Variants in SYT1 observed in about 807,000 individuals in gnomAD.
SYT1 encodes the protein synaptotagmin-1.
In SYT1, 8 loss-of-function variants were observed where a neutral mutation model predicts 44.8. The ratio of observed to expected loss-of-function variants is 0.18; its 90% confidence interval spans 0.10 to 0.32. The LOEUF (loss-of-function observed/expected upper bound fraction) is 0.32. Among genes scored for constraint, SYT1 ranks in the 10% least tolerant of loss-of-function variants. The probability of loss-of-function intolerance (pLI) is 1.00; values close to 1 mark genes in which losing one functional copy is unlikely to be tolerated. For missense variants in SYT1, 286 were observed against 509.3 expected (o/e 0.56, Z 4.22); for synonymous variants, 154 against 188.8 (o/e 0.82, Z 1.51).
chr12:79,058,865 C>T (rs919668688), intron 3 of SYT1, among the ~76,000 whole-genome samples: 1 of 151,890 alleles, frequency 6.6e-6, no homozygotes, highest in Admixed American at 6.6e-5. Flanking sequence ...TACTTAGGAG[C>T]CTATAGTTTC....
At chr12:79,048,053 T>C (rs896692944) in intron 3 of SYT1, among the ~76,000 whole-genome samples, 3 of 151,826 alleles carry the variant, frequency 2.0e-5, no homozygotes, top group Admixed American at 2.0e-4. Context: ...TGAAGAACAA[T>C]AACATAAAGA....
intron 4 of SYT1, among the ~76,000 whole-genome samples, chr12:79,261,435 A>G (rs1877825079): frequency 6.6e-6 from 1 of 152,142 alleles, no homozygotes; most frequent in African/African-American, 2.4e-5. Flanking sequence ...TTTATACTGG[A>G]TTAACTTTAA....
intron 3 of SYT1, among the ~76,000 whole-genome samples, chr12:79,108,742 A>G (rs1250735148): frequency 2.6e-5 from 4 of 152,228 alleles, no homozygotes; most frequent in South Asian, 2.1e-4. Flanking sequence ...GCAGCAAGCT[A>G]GAACTTTTAA....
At chr12:78,902,198 A>G (rs199659300) in intron 1 of SYT1, among the ~76,000 whole-genome samples, 2 of 73,482 alleles carry the variant, frequency 2.7e-5, no homozygotes, top group African/African-American at 7.1e-5. Flanking sequence ...ATAAATATGT[A>G]TATATATATA....
At chr12:79,008,974 G>A (rs1022666590) in intron 2 of SYT1, among the ~76,000 whole-genome samples, 1 of 152,128 alleles carries the variant, frequency 6.6e-6, no homozygotes, top group African/African-American at 2.4e-5. Context: ...AAAATTTATA[G>A]AAACTTTAGC....
intron 3 of SYT1, among the ~76,000 whole-genome samples, chr12:79,169,936 A>G (rs1477048055): frequency 6.6e-6 from 1 of 152,042 alleles, no homozygotes; most frequent in Non-Finnish European, 1.5e-5. Context: ...TTTAGAAGTG[A>G]GAACATGTGG....
At chr12:79,375,193 T>TA (rs1184228200) in intron 9 of SYT1, among the ~76,000 whole-genome samples, 1 of 152,136 alleles carries the variant, frequency 6.6e-6, no homozygotes, top group African/African-American at 2.4e-5. Context: ...GGTCCACAGG[T>TA]AGTAACCTGC....
At chr12:79,090,967 C>T (rs1780821674) in intron 3 of SYT1, among the ~76,000 whole-genome samples, 1 of 151,878 alleles carries the variant, frequency 6.6e-6, no homozygotes, top group Admixed American at 6.6e-5. Context: ...TTAATCTTTC[C>T]TAGATTCAAA....
intron 1 of SYT1, among the ~76,000 whole-genome samples, chr12:78,966,326 C>G (rs757521740): frequency 2.6e-5 from 4 of 150,998 alleles, no homozygotes; most frequent in Non-Finnish European, 5.9e-5. Context: ...ATATATCATC[C>G]CATCTTATCC....
At chr12:79,068,876 T>C (rs1041396800) in intron 3 of SYT1, among the ~76,000 whole-genome samples, 1 of 152,150 alleles carries the variant, frequency 6.6e-6, no homozygotes, top group Non-Finnish European at 1.5e-5. Context: ...TTTAACTTCC[T>C]TCTCATTTCT....
At chr12:78,974,644 G>A (rs1390482346) in intron 1 of SYT1, among the ~76,000 whole-genome samples, 9 of 151,946 alleles carry the variant, frequency 5.9e-5, no homozygotes. Flanking sequence ...CACCATGTTA[G>A]CCAGGATGGT....
chr12:79,385,230 G>T (rs1168435274), intron 9 of SYT1, among the ~76,000 whole-genome samples: 1 of 151,884 alleles, frequency 6.6e-6, no homozygotes, highest in South Asian at 2.1e-4. Flanking sequence ...CAAGTGATCT[G>T]CCAGCCTCGG....
chr12:79,019,190 GA>G (rs1164486380), intron 2 of SYT1, among the ~76,000 whole-genome samples: 3 of 152,006 alleles, frequency 2.0e-5, no homozygotes, highest in Non-Finnish European at 4.4e-5. Context: ...AATGGAGAGA[GA>G]GAAGTATTGT....
At chr12:79,437,545 G>A (rs574169452) in intron 9 of SYT1, among the ~76,000 whole-genome samples, 64 of 152,316 alleles carry the variant, frequency 4.2e-4, no homozygotes, top group Admixed American at 5.2e-4. Flanking sequence ...TGGCCTTATC[G>A]TATAGCATAT....
rs12423083 is a variant in SYT1, at chr12:79,095,538, T to C, written c.-18+48176T>C. On this transcript the variant is annotated intron_variant, in intron 3 of 10. Coordinates refer to ENST00000261205, the MANE Select transcript of SYT1 (RefSeq NM_005639.3). ...TTATTTATTACAAAAGTGATTCAAA[T>C]CAATAAAAGACTTCATTTATAGACC... is the stretch of plus-strand genomic sequence containing the variant. Among the ~76,000 whole-genome samples, 323 of 151,982 alleles carry C rather than the reference T, an allele frequency of 2.1e-3. 3 individuals carry two copies. Among genetic ancestry groups the C allele is most frequent in the Admixed American group, 0.019 (292 of 15,188 alleles).
intron 9 of SYT1, among the ~76,000 whole-genome samples, chr12:79,373,864 AT>A (rs1883887759): frequency 6.6e-6 from 1 of 152,046 alleles, no homozygotes; most frequent in South Asian, 2.1e-4. Context: ...TCATATTCTC[AT>A]TTCTCACTCG....
Position 79,292,050 on chromosome 12 carries a change from G to A in SYT1, c.394G>A (p.Glu132Lys), listed in dbSNP as rs1306238645. 1 of 1,614,030 alleles carries A rather than the reference G, an allele frequency of 6.2e-7. No individual in the cohort carries two copies. The highest frequency in any genetic ancestry group is 1.7e-5 in the Admixed American group (1 of 60,018). ...DDAETGLTDG[E>K]EKEEPKEEEK... ...TGCTGAAACTGGATTGACAGATGGA[G>A]AAGAAAAAGAAGAACCCAAAGAAGA... Residue 132 changes from glutamate to lysine, a missense_variant, in exon 6 of 11, where the codon GAA becomes AAA. This residue lies in a region of SYT1 where 141 missense variants were observed against 165.7 expected (regional missense o/e 0.85). Transcript: ENST00000261205.
At chr12:79,356,270 G>C (rs1883108737) in intron 9 of SYT1, among the ~76,000 whole-genome samples, 1 of 151,630 alleles carries the variant, frequency 6.6e-6, no homozygotes, top group Non-Finnish European at 1.5e-5. Flanking sequence ...ATGGTTTTAA[G>C]ATCCATCCCA....
intron 8 of SYT1, among the ~76,000 whole-genome samples, chr12:79,315,179 TTTTA>T (rs902665112): frequency 6.6e-6 from 1 of 152,160 alleles, no homozygotes; most frequent in African/African-American, 2.4e-5. Flanking sequence ...GTTTCTTATT[TTTTA>T]TTTTCTTTAT....
Sources: gnomAD v4.1 joint callset for allele counts (sites outside exome capture counted in the v4.1 genomes callset) on GRCh38, gnomAD v4.1.1 for gene constraint, gnomAD v4.1.1 regional missense constraint, MANE v1.5 for transcripts, NCBI Gene and HGNC (gene_info 2026-07-23, HGNC 2026-07-21) for gene names.